The following GRIP1 variants were observed in gnomAD, a reference collection of about 807,000 sequenced individuals.
GRIP1 encodes glutamate receptor interacting protein 1.
A neutral mutation model predicts 129.9 loss-of-function variants in GRIP1; 45 were observed. That is an observed-to-expected ratio of 0.35 (90% CI 0.27 to 0.44). The LOEUF is 0.44. Ranked by LOEUF, GRIP1 falls within the 20% of genes least tolerant of loss-of-function variation. GRIP1 has a pLI of 1.00. For synonymous variants in GRIP1, 530 were observed against 520.8 expected, an observed-to-expected ratio of 1.02 and a Z score of -0.24; for missense variants, 1,196 against 1,396.8, an observed-to-expected ratio of 0.86 and a Z score of 2.29.
chr12:66,623,464 G>C lies in GRIP1; in HGVS notation c.56-26537C>G, dbSNP rs2065362016. ...ATCAGTCTGTATCATCTCTTGGTATGATGAGTTCCAACTAAATGGGAAACA... is the reference window on the plus strand; with the variant it reads ...ATCAGTCTGTATCATCTCTTGGTATCATGAGTTCCAACTAAATGGGAAACA... On this transcript the variant is annotated intron_variant, in intron 1 of 24. Transcript: ENST00000359742. 2.0e-5 allele frequency among the ~76,000 whole-genome samples: 3 copies of C among 152,130 alleles called. No homozygotes were observed. In the South Asian group the frequency reaches 6.2e-4, roughly 32 times the overall value.
intron 1 of GRIP1, among the ~76,000 whole-genome samples, chr12:66,954,895 T>C (rs976305812): frequency 6.6e-6 from 1 of 152,040 alleles, no homozygotes; most frequent in Non-Finnish European, 1.5e-5. Flanking sequence ...AGATTGCAAG[T>C]TCCAGGAAGA....
intron 1 of GRIP1, among the ~76,000 whole-genome samples, chr12:66,846,206 G>A (rs1330392027): frequency 6.6e-6 from 1 of 152,112 alleles, no homozygotes; most frequent in African/African-American, 2.4e-5. Context: ...CTTCTTCAAT[G>A]AGATCTAGTC....
At chr12:66,455,176 G>A (rs959229867) in intron 11 of GRIP1, among the ~76,000 whole-genome samples, 2 of 152,134 alleles carry the variant, frequency 1.3e-5, no homozygotes, top group African/African-American at 4.8e-5. Flanking sequence ...AAAAGTTGTA[G>A]GCAAAGGTAG....
chr12:66,561,949 C>T (rs552069574), intron 2 of GRIP1, among the ~76,000 whole-genome samples: 1 of 151,828 alleles, frequency 6.6e-6, no homozygotes, highest in South Asian at 2.1e-4. Context: ...TTAAAAATTA[C>T]CCAGGCATGG....
intron 1 of GRIP1, among the ~76,000 whole-genome samples, chr12:67,060,844 AATG>A (rs2043520938): frequency 7.1e-5 from 10 of 141,440 alleles, no homozygotes; most frequent in Non-Finnish European, 1.4e-4. Flanking sequence ...AAAAAAAAAA[AATG>A]TGTTGGCAGT....
intron 1 of GRIP1, among the ~76,000 whole-genome samples, chr12:66,950,905 G>A (rs549411569): frequency 1.3e-4 from 20 of 152,306 alleles, no homozygotes; most frequent in African/African-American, 4.8e-4. Flanking sequence ...AAAGTGCTAT[G>A]ATGTGTTGCA....
chr12:67,009,716 T>C (rs532079781), intron 1 of GRIP1, among the ~76,000 whole-genome samples: 13 of 152,256 alleles, frequency 8.5e-5, no homozygotes, highest in Admixed American at 3.9e-4. Flanking sequence ...AGACAAATCA[T>C]AGGACTCAAT....
At chr12:66,865,962 C>G (rs976746710) in intron 1 of GRIP1, among the ~76,000 whole-genome samples, 1 of 152,050 alleles carries the variant, frequency 6.6e-6, no homozygotes, top group Non-Finnish European at 1.5e-5. Context: ...AGATTAACCT[C>G]AAAACTATCA....
Position 66,347,803 on chromosome 12 carries a change from C to CTT in GRIP1, c.*1214_*1215dup, listed in dbSNP as rs1261047920. 2 of 151,952 alleles carry CTT rather than the reference C, an allele frequency of 1.3e-5. No homozygotes were observed. The highest frequency in any genetic ancestry group is 2.9e-5 in the Non-Finnish European group (2 of 68,006). 9.4% of individuals were successfully genotyped at this position (151,952 alleles called of 1,614,324 possible). A position where few individuals can be genotyped will look rare whatever the true frequency, so the allele number is the denominator to read the frequency against. Reference sequence around the variant, plus strand: ...AAACAAAGGACACAGTGTTCGAATACTTTGCCTAAGTGGTAGTTTGAATTA... The same window carrying CTT: ...AAACAAAGGACACAGTGTTCGAATACTTTTTGCCTAAGTGGTAGTTTGAATTA... On this transcript the variant is annotated 3_prime_UTR_variant, in exon 25 of 25. Transcript: ENST00000359742.
chr12:66,863,782 A>G (rs568128846), intron 1 of GRIP1, among the ~76,000 whole-genome samples: 10 of 152,210 alleles, frequency 6.6e-5, no homozygotes, highest in Non-Finnish European at 1.2e-4. Flanking sequence ...GCAGATCGAT[A>G]ATTTTATAAA....
intron 1 of GRIP1, among the ~76,000 whole-genome samples, chr12:66,815,282 G>A (rs1008786929): frequency 3.9e-5 from 6 of 152,136 alleles, no homozygotes; most frequent in African/African-American, 1.4e-4. Flanking sequence ...AGAATCACCT[G>A]GGGAAGAGTT....
At chr12:66,893,544 A>G (rs1347640535) in intron 1 of GRIP1, among the ~76,000 whole-genome samples, 1 of 152,124 alleles carries the variant, frequency 6.6e-6, no homozygotes, top group Non-Finnish European at 1.5e-5. Flanking sequence ...GGCTGTTTTT[A>G]TTCTTGAGTA....
chr12:66,479,563 C>A (rs1359811188), intron 7 of GRIP1, among the ~76,000 whole-genome samples: 1 of 152,186 alleles, frequency 6.6e-6, no homozygotes, highest in Non-Finnish European at 1.5e-5. Flanking sequence ...CTCCCTAACT[C>A]ATTTTATGAG....
Position 66,591,077 on chromosome 12 carries a change from G to C in GRIP1, c.136+5770C>G, listed in dbSNP as rs141907416. ...AGATAACAGGTGAACAAGATATAGA[G>C]GACCTGCCCTCCTGTAGCTTACATT... is the stretch of plus-strand genomic sequence containing the variant. On this transcript the variant is annotated intron_variant, in intron 2 of 24. Coordinates refer to ENST00000359742, the MANE Select transcript of GRIP1 (RefSeq NM_001366722.1). Among the ~76,000 whole-genome samples, 8 of 152,234 alleles carry C rather than the reference G, an allele frequency of 5.3e-5. No individual in the cohort carries two copies. In the East Asian group the frequency reaches 1.5e-3, roughly 29 times the overall value.
chr12:67,015,110 T>G (rs2042765925), intron 1 of GRIP1, among the ~76,000 whole-genome samples: 1 of 152,118 alleles, frequency 6.6e-6, no homozygotes, highest in African/African-American at 2.4e-5. Context: ...TAGGTCCTAT[T>G]ACCTGAGAGA....
At chr12:66,893,632 C>A (rs1284955080) in intron 1 of GRIP1, among the ~76,000 whole-genome samples, 2 of 152,146 alleles carry the variant, frequency 1.3e-5, no homozygotes, top group Non-Finnish European at 2.9e-5. Context: ...GGGGTTATTT[C>A]TGATTTGGGA....
chr12:66,993,739 C>T (rs377035302), intron 1 of GRIP1, among the ~76,000 whole-genome samples: 5 of 147,690 alleles, frequency 3.4e-5, no homozygotes, highest in East Asian at 4.0e-4. Flanking sequence ...TGCAGTGAGC[C>T]GAGATCATGC....
chr12:66,489,113 T>G (rs1473930856), intron 7 of GRIP1, among the ~76,000 whole-genome samples: 1 of 152,128 alleles, frequency 6.6e-6, no homozygotes, highest in Non-Finnish European at 1.5e-5. Flanking sequence ...CCTTCCTAAC[T>G]CATTCTATGA....
At chr12:66,620,650 T>C (rs2065227776) in intron 1 of GRIP1, among the ~76,000 whole-genome samples, 1 of 152,134 alleles carries the variant, frequency 6.6e-6, no homozygotes, top group South Asian at 2.1e-4. Context: ...TGCTGATCAG[T>C]GCATTCTTTC....
Sources: gnomAD v4.1 joint callset for allele counts (sites outside exome capture counted in the v4.1 genomes callset) on GRCh38, gnomAD v4.1.1 for gene constraint, MANE v1.5 for transcripts, NCBI Gene and HGNC (gene_info 2026-07-23, HGNC 2026-07-21) for gene names.